Variants in SMYD3 observed in about 807,000 individuals in gnomAD.
SMYD3 encodes the protein histone-lysine N-methyltransferase SMYD3.
A neutral mutation model predicts 57.7 loss-of-function variants in SMYD3; 36 were observed. The ratio of observed to expected loss-of-function variants is 0.62; its 90% CI spans 0.48 to 0.82. The LOEUF (loss-of-function observed/expected upper bound fraction) is 0.82, where lower values mean the gene tolerates loss of function less well. SMYD3 is among the 40% of genes least tolerant of loss of function. The pLI, the probability that SMYD3 is intolerant of heterozygous loss-of-function variation, is 0.00. For synonymous variants in SMYD3, 211 were observed against 195.0 expected, an observed-to-expected ratio of 1.08 and a Z score of -0.68; for missense variants, 515 against 538.8, an observed-to-expected ratio of 0.96 and a Z score of 0.44.
chr1:246,090,519 T>TG (rs2060804246), intron 5 of SMYD3, among the ~76,000 whole-genome samples: 1 of 31,734 alleles, frequency 3.2e-5, no homozygotes, highest in Non-Finnish European at 1.5e-4. Context: ...TCTTTCTCTC[T>TG]CTCTTTTTTT....
intron 10 of SMYD3, among the ~76,000 whole-genome samples, chr1:245,814,655 C>A (rs543948562): frequency 6.6e-6 from 1 of 152,162 alleles, no homozygotes; most frequent in African/African-American, 2.4e-5. Flanking sequence ...CTAAAGGCTT[C>A]AAGGTCACTT....
Position 245,995,166 on chromosome 1 carries a change from T to C in SMYD3, c.532-65229A>G, listed in dbSNP as rs1045523020. Reference sequence around the variant, plus strand: ...ACACATGAATAAATAAAACACCACTTACCTAGAAGTTTCTAATGTCCAGTA... The same window carrying C: ...ACACATGAATAAATAAAACACCACTCACCTAGAAGTTTCTAATGTCCAGTA... On this transcript the variant is annotated intron_variant, in intron 5 of 11. Coordinates refer to ENST00000490107, the MANE Select transcript of SMYD3 (RefSeq NM_001167740.2). Among the ~76,000 whole-genome samples, 16 of 152,180 alleles carry C rather than the reference T, an allele frequency of 1.1e-4. 1 individual carries two copies. The highest frequency in any genetic ancestry group is 8.5e-4 in the Admixed American group (13 of 15,274).
At chr1:245,770,550 A>G (rs571732488) in intron 10 of SMYD3, among the ~76,000 whole-genome samples, 3 of 152,336 alleles carry the variant, frequency 2.0e-5, no homozygotes, top group South Asian at 2.1e-4. Flanking sequence ...TCTGAAGGAG[A>G]TAACATCATC....
chr1:246,272,342 C>T (rs563381156), intron 5 of SMYD3, among the ~76,000 whole-genome samples: 1 of 152,312 alleles, frequency 6.6e-6, no homozygotes, highest in East Asian at 1.9e-4. Context: ...GAAAAGCAGG[C>T]ATCCTTATCT....
At chr1:246,363,341 T>C (rs1442596095) in intron 1 of SMYD3, among the ~76,000 whole-genome samples, 1 of 149,194 alleles carries the variant, frequency 6.7e-6, no homozygotes, top group Non-Finnish European at 1.5e-5. Context: ...ATCCGGGAGG[T>C]GAGGGGCGCC....
intron 10 of SMYD3, among the ~76,000 whole-genome samples, chr1:245,810,379 G>A (rs1287996144): frequency 6.6e-6 from 1 of 152,212 alleles, no homozygotes; most frequent in East Asian, 1.9e-4. Flanking sequence ...CCCTGAGGCA[G>A]GGCACCTGTT....
At chr1:245,888,175 A>T (rs1279592774) in intron 8 of SMYD3, among the ~76,000 whole-genome samples, 1 of 152,222 alleles carries the variant, frequency 6.6e-6, no homozygotes, top group Non-Finnish European at 1.5e-5. Context: ...AGTGGGTTGT[A>T]AAAGCACTGG....
At chr1:246,068,425 C>A (rs987392113) in intron 5 of SMYD3, among the ~76,000 whole-genome samples, 6 of 152,240 alleles carry the variant, frequency 3.9e-5, no homozygotes, top group African/African-American at 1.4e-4. Context: ...AGTCTTCTGA[C>A]AACACAATCA....
intron 10 of SMYD3, among the ~76,000 whole-genome samples, chr1:245,775,422 G>T (rs1419633666): frequency 6.6e-6 from 1 of 151,854 alleles, no homozygotes; most frequent in Non-Finnish European, 1.5e-5. Flanking sequence ...CCCCAACCCT[G>T]TGCTCTCTGA....
chr1:246,198,854 A>T (rs528107086), intron 5 of SMYD3, among the ~76,000 whole-genome samples: 6 of 152,382 alleles, frequency 3.9e-5, no homozygotes, highest in African/African-American at 1.4e-4. Flanking sequence ...CTGAGTAAAT[A>T]AACAGATGCA....
chr1:246,485,664 G>A (rs1034538225), intron 1 of SMYD3, among the ~76,000 whole-genome samples: 1 of 152,034 alleles, frequency 6.6e-6, no homozygotes, highest in African/African-American at 2.4e-5. Context: ...GTGGTGGTTC[G>A]TGCCTGTAGT....
intron 5 of SMYD3, among the ~76,000 whole-genome samples, chr1:246,082,853 A>G (rs1198297567): frequency 6.6e-6 from 1 of 151,986 alleles, no homozygotes; most frequent in Non-Finnish European, 1.5e-5. Flanking sequence ...TGCTGTGTCA[A>G]CTCAGGGTTA....
intron 2 of SMYD3, among the ~76,000 whole-genome samples, chr1:246,354,496 A>G (rs1162495642): frequency 4.6e-5 from 7 of 152,224 alleles, no homozygotes. Context: ...GGCAATACCA[A>G]ATATTAGAAA....
intron 5 of SMYD3, among the ~76,000 whole-genome samples, chr1:245,962,836 A>T (rs1479160901): frequency 3.2e-5 from 4 of 125,536 alleles, no homozygotes; most frequent in Non-Finnish European, 5.3e-5. Flanking sequence ...CAGGCAACAA[A>T]AAAGAAAAAC....
chr1:245,954,634 C>CACCACT (rs57092465), intron 5 of SMYD3, among the ~76,000 whole-genome samples: 13,864 of 152,162 alleles, frequency 0.091, 1,996 homozygotes, highest in African/African-American at 0.31. Flanking sequence ...GCCAATATAG[C>CACCACT]ACCACTGCAG....
chr1:246,019,790 A>AATAT (rs2059438497), intron 5 of SMYD3, among the ~76,000 whole-genome samples: 1 of 152,152 alleles, frequency 6.6e-6, no homozygotes, highest in East Asian at 1.9e-4. Context: ...CATATATATA[A>AATAT]ATGTACATAT....
At chr1:245,812,715 AAG>A (rs1553330499) in intron 10 of SMYD3, among the ~76,000 whole-genome samples, 1 of 150,442 alleles carries the variant, frequency 6.6e-6, no homozygotes, top group Non-Finnish European at 1.5e-5. Context: ...AAAAAAAAAA[AAG>A]AGAAAGAGCG....
intron 10 of SMYD3, among the ~76,000 whole-genome samples, chr1:245,784,896 C>A (rs1172817672): frequency 5.1e-5 from 7 of 137,974 alleles, no homozygotes; most frequent in Non-Finnish European, 1.1e-4. Flanking sequence ...GTTGCCCAGG[C>A]TGGAGTGTAG....
At chr1:246,161,555 T>A (rs1260522644) in intron 5 of SMYD3, among the ~76,000 whole-genome samples, 3 of 152,206 alleles carry the variant, frequency 2.0e-5, no homozygotes, top group Non-Finnish European at 4.4e-5. Context: ...GCCTCCACCT[T>A]GGTATATCAT....
Sources: allele counts gnomAD v4.1 joint callset (sites outside exome capture counted in the v4.1 genomes callset), GRCh38; gene constraint gnomAD v4.1.1; transcripts MANE v1.5; gene names NCBI Gene and HGNC (gene_info 2026-07-23, HGNC 2026-07-21).